The following VPS50 variants were observed in gnomAD, a reference collection of about 807,000 sequenced individuals.
The protein encoded by VPS50 is VPS50 subunit of EARP/GARPII complex.
In VPS50, 70 loss-of-function variants were observed where a neutral mutation model predicts 139.7. That is an observed-to-expected ratio of 0.50 (90% CI 0.41 to 0.61). The LOEUF (loss-of-function observed/expected upper bound fraction) is 0.61, where lower values mean the gene tolerates loss of function less well. Among genes scored for constraint, VPS50 ranks in the 20% least tolerant of loss-of-function variants. The pLI is 0.00. For missense variants in VPS50, 921 were observed against 1,133.7 expected (o/e 0.81, Z 2.69); for synonymous variants, 365 against 376.7 (o/e 0.97, Z 0.36).
At chr7:93,269,188 T>C (rs999345714) in intron 9 of VPS50, among the ~76,000 whole-genome samples, 7 of 152,128 alleles carry the variant, frequency 4.6e-5, no homozygotes, top group Non-Finnish European at 8.8e-5. Flanking sequence ...ATAGCTATCC[T>C]TTTGGGGGAA....
intron 18 of VPS50, among the ~76,000 whole-genome samples, chr7:93,306,918 TAGTA>T (rs1797132731): frequency 6.6e-6 from 1 of 151,948 alleles, no homozygotes; most frequent in African/African-American, 2.4e-5. Context: ...AATTGTTTCA[TAGTA>T]AGCCATATTT....
At chr7:93,272,904 A>G (rs190597613) in intron 11 of VPS50, 171 bp downstream of exon 11, 81 of 459,590 alleles carry the variant, frequency 1.8e-4, no homozygotes, top group African/African-American at 1.6e-3. Context: ...CTCAGAGGGT[A>G]TATAATGTGG....
chr7:93,323,723 G>T lies in VPS50; in HGVS notation c.1968G>T (p.Arg656=). ...YLYAIYTFFG[R]NDSLESTGLG... ...ATGCAATATATACCTTTTTTGGTCG[G>T]AATGATTCAGTAAGTCCACCTTTAG... Residue 656 remains arginine (R), a synonymous_variant, in exon 21 of 28, where the codon CGG becomes CGT. Transcript: ENST00000305866. 2 of 1,412,226 alleles carry T rather than the reference G, an allele frequency of 1.4e-6. No individual in the cohort carries two copies. Among genetic ancestry groups the T allele is most frequent in the East Asian group, 2.7e-5 (1 of 37,360 alleles). The allele number at this position is 1,412,226 out of a possible 1,614,324, so 87.5% of individuals were successfully genotyped here.
At chr7:93,289,992 C>A (rs558369974) in intron 12 of VPS50, among the ~76,000 whole-genome samples, 2 of 152,000 alleles carry the variant, frequency 1.3e-5, no homozygotes, top group East Asian at 3.9e-4. Flanking sequence ...TGGTTTTCTT[C>A]TTGGTTTTCA....
intron 2 of VPS50, among the ~76,000 whole-genome samples, chr7:93,248,625 T>C (rs1289182014): frequency 6.6e-6 from 1 of 152,170 alleles, no homozygotes; most frequent in Non-Finnish European, 1.5e-5. Context: ...TTTTTGCAAT[T>C]AACTGTAAAT....
chr7:93,353,587 G>A, intron 25 of VPS50, 53 bp from the exon 26 acceptor site: 1 of 1,567,132 alleles, frequency 6.4e-7, no homozygotes, highest in South Asian at 1.2e-5. Context: ...TTATGGGAAA[G>A]CATTGTGGCA....
intron 22 of VPS50, among the ~76,000 whole-genome samples, chr7:93,337,134 A>G (rs879052950): frequency 1.3e-5 from 2 of 152,232 alleles, no homozygotes; most frequent in East Asian, 1.9e-4. Context: ...TTTCCTAAAT[A>G]TAAACACAGA....
In VPS50 at chr7:93,270,273, C is replaced by T. The variant is rs1227848694; in HGVS notation, c.660-947C>T. 4.6e-5 allele frequency among the ~76,000 whole-genome samples: 7 copies of T among 151,998 alleles called. No homozygotes were observed. In the East Asian group the frequency reaches 1.4e-3, roughly 29 times the overall value. ...AGAAGTAGAAACAGAGTATTTCTGA[C>T]ACCCCACAAACTTCTCGCATGTCTC... On this transcript the variant is annotated intron_variant, in intron 9 of 27. Coordinates refer to ENST00000305866, the MANE Select transcript of VPS50 (RefSeq NM_017667.4).
chr7:93,258,101 TG>T, intron 6 of VPS50, 57 bp from the exon 7 acceptor site: 1 of 716,654 alleles, frequency 1.4e-6, no homozygotes, highest in African/African-American at 1.8e-5. Context: ...TTGTTCTGTG[TG>T]GATAGTATTC....
intron 9 of VPS50, among the ~76,000 whole-genome samples, chr7:93,261,730 G>A (rs972353972): frequency 4.0e-5 from 6 of 151,012 alleles, no homozygotes; most frequent in Admixed American, 1.3e-4. Context: ...AGGAAGTTGT[G>A]CATACAGTGG....
intron 10 of VPS50, 111 bp from the exon 11 acceptor site, chr7:93,272,524 A>G (rs1185281722): frequency 8.4e-6 from 4 of 474,174 alleles, no homozygotes; most frequent in Non-Finnish European, 1.5e-5. Flanking sequence ...TATGATAGTA[A>G]ATGTATTTAA....
At chr7:93,341,200 T>A (rs1213023532) in intron 22 of VPS50, among the ~76,000 whole-genome samples, 2 of 110,012 alleles carry the variant, frequency 1.8e-5, no homozygotes, top group African/African-American at 1.1e-4. Flanking sequence ...CATGTACAGA[T>A]GGTAGCATGT....
chr7:93,294,770 G>A, intron 14 of VPS50, 134 bp downstream of exon 14: 1 of 679,634 alleles, frequency 1.5e-6, no homozygotes, highest in Non-Finnish European at 2.3e-6. Context: ...TTGGAATTAG[G>A]CTATCATTTA....
chr7:93,307,525 CAA>C (rs1797151409), intron 18 of VPS50, among the ~76,000 whole-genome samples: 2 of 151,816 alleles, frequency 1.3e-5, no homozygotes, highest in African/African-American at 4.8e-5. Flanking sequence ...TTGGATGACT[CAA>C]AGTTTTCACT....
intron 20 of VPS50, among the ~76,000 whole-genome samples, chr7:93,318,773 C>A (rs1335699286): frequency 6.6e-6 from 1 of 151,800 alleles, no homozygotes; most frequent in Non-Finnish European, 1.5e-5. Flanking sequence ...AAAATTTCTC[C>A]CCCATGTTTC....
intron 16 of VPS50, among the ~76,000 whole-genome samples, chr7:93,298,387 C>A (rs1427165134): frequency 6.6e-6 from 1 of 152,092 alleles, no homozygotes; most frequent in South Asian, 2.1e-4. Context: ...TATAAACATT[C>A]CTGTATAGAA....
At chr7:93,248,151 CTG>C (rs1795211707) in intron 2 of VPS50, among the ~76,000 whole-genome samples, 2 of 151,700 alleles carry the variant, frequency 1.3e-5, no homozygotes, top group South Asian at 4.1e-4. Flanking sequence ...ATTTTTAAGA[CTG>C]AAATATTTTA....
chr7:93,346,265 A>G (rs1195292454), intron 23 of VPS50, among the ~76,000 whole-genome samples: 1 of 152,194 alleles, frequency 6.6e-6, no homozygotes, highest in Non-Finnish European at 1.5e-5. Flanking sequence ...TCCAACTTAC[A>G]AGGGATGTGA....
At chr7:93,271,041 T>C (rs998857821) in intron 9 of VPS50, 179 bp from the exon 10 acceptor site, 37 of 960,242 alleles carry the variant, frequency 3.9e-5, no homozygotes, top group Non-Finnish European at 4.8e-5. Context: ...CTAATGACTC[T>C]TATTCCCTTC....
Sources: gnomAD v4.1 joint callset for allele counts (sites outside exome capture counted in the v4.1 genomes callset) on GRCh38, gnomAD v4.1.1 for gene constraint, MANE v1.5 for transcripts, NCBI Gene and HGNC (gene_info 2026-07-23, HGNC 2026-07-21) for gene names.